Variants in MCCC1 observed in about 807,000 individuals in gnomAD.
MCCC1 encodes methylcrotonyl-CoA carboxylase subunit 1, also known as methylcrotonoyl-CoA carboxylase subunit alpha, mitochondrial.
Under a neutral mutation model 83.8 loss-of-function variants are expected in MCCC1, and 64 were observed. That is an observed-to-expected ratio of 0.76 (90% confidence interval 0.62 to 0.94). The LOEUF (loss-of-function observed/expected upper bound fraction) is 0.94, where lower values mean the gene tolerates loss of function less well. MCCC1 is among the 40% of genes least tolerant of loss of function. The pLI, the probability that MCCC1 is intolerant of heterozygous loss-of-function variation, is 0.00. For synonymous variants in MCCC1, 322 were observed against 315.4 expected (o/e 1.02, Z -0.22); for missense variants, 807 against 904.7 (o/e 0.89, Z 1.39).
At position 183,071,036 on chromosome 3, in the gene MCCC1, C is replaced by T. The variant is rs1358355173; in HGVS notation, c.724G>A (p.Asp242Asn). Residue 242 changes from aspartate (D) to asparagine (N), a missense_variant, in exon 7 of 19, where the codon GAT (aspartate) becomes AAT (asparagine). By Grantham distance (23) the Asp-to-Asn change is conservative. Transcript: ENST00000265594. ...RREAKKSFNDDAMLIEKFVDT... is the reference protein window; with the variant it reads ...RREAKKSFNDNAMLIEKFVDT... ...ACAAACTTCTCGATCAGCATAGCAT[C>T]ATCATTGAAAGACTTCTTAGCTTCT... 3 of 1,614,160 alleles carry T rather than the reference C, an allele frequency of 1.9e-6. No individual in the cohort carries two copies. The South Asian group carries it at 3.3e-5, about 18-fold the overall frequency.
rs143409364 is a variant in MCCC1, at chr3:183,038,914, T to C, written c.1377+112A>G. ...TGTGAAACTATTTTGTTTGGGCAAT[T>C]GATGGAAATAGAAAATATGCTGACG... On this transcript the variant is annotated intron_variant, in intron 12 of 18. Coordinates refer to ENST00000265594, the MANE Select transcript of MCCC1 (RefSeq NM_020166.5). 7.2e-6 allele frequency: 7 copies of C among 970,800 alleles called. No individual in the cohort carries two copies. The East Asian group carries it at 1.7e-4, about 24-fold the overall frequency. 60.1% of individuals were successfully genotyped at this position (970,800 alleles called of 1,614,324 possible).
At chr3:183,088,513 T>A (rs549823675) in intron 3 of MCCC1, among the ~76,000 whole-genome samples, 5 of 152,308 alleles carry the variant, frequency 3.3e-5, no homozygotes, top group East Asian at 3.9e-4. Flanking sequence ...AGCCTGTTTT[T>A]TACTTTTAAC....
chr3:183,046,350 T>TA (rs1293788177), intron 9 of MCCC1, among the ~76,000 whole-genome samples: 1 of 152,178 alleles, frequency 6.6e-6, no homozygotes, highest in Non-Finnish European at 1.5e-5. Context: ...GAATACAATG[T>TA]AAAGTTGTTT....
chr3:183,046,073 T>G lies in MCCC1; in HGVS notation c.956-533A>C, dbSNP rs116378168. Among the ~76,000 whole-genome samples, 1,238 of 152,342 alleles carry G rather than the reference T, an allele frequency of 8.1e-3. 11 individuals are homozygous for G. Among genetic ancestry groups the G allele is most frequent in the African/African-American group, 0.028 (1,184 of 41,578 alleles). On this transcript the variant is annotated intron_variant, in intron 9 of 18. Transcript: ENST00000265594. ...CCCCTAACTTTATTAAGGTTTAATT[T>G]TAGACAACAAACTGTAACTATTTGA...
rs374255867 is a variant in MCCC1 at position 183,071,288 on chromosome 3, T to C, written c.561A>G (p.Ser187=). ...TGGCGTGTTCCTTCAGGCACTGGTC[T>C]GATTGGTCCTCACCATGATAACCCT... ...VVEGYHGEDQ[S]DQCLKEHARR... Residue 187 remains serine (S), a synonymous_variant, in exon 6 of 19, where the codon TCA becomes TCG. Coordinates refer to ENST00000265594, the MANE Select transcript of MCCC1 (RefSeq NM_020166.5). 6.2e-7 allele frequency: 1 copy of C among 1,614,244 alleles called. No individual in the cohort carries two copies. Among genetic ancestry groups the C allele is most frequent in the African/African-American group, 1.3e-5 (1 of 75,074 alleles).
chr3:183,030,288 A>G (rs547762280), intron 14 of MCCC1, among the ~76,000 whole-genome samples: 1 of 152,332 alleles, frequency 6.6e-6, no homozygotes, highest in African/African-American at 2.4e-5. Context: ...TGCCTGGGCA[A>G]CAGAATGAGA....
upstream of MCCC1, among the ~76,000 whole-genome samples, chr3:183,100,930 G>A (rs1230831439): frequency 2.0e-5 from 3 of 152,258 alleles, no homozygotes; most frequent in African/African-American, 4.8e-5. Flanking sequence ...GGCTGTGTGC[G>A]GCACTTGCGG....
chr3:183,067,482 G>T (rs1345596642), intron 7 of MCCC1, among the ~76,000 whole-genome samples: 2 of 152,174 alleles, frequency 1.3e-5, no homozygotes, highest in Non-Finnish European at 2.9e-5. Context: ...GTCTTACCAT[G>T]ATTTGTCTTT....
intron 2 of MCCC1, among the ~76,000 whole-genome samples, chr3:183,093,755 G>A (rs1437374806): frequency 6.6e-6 from 1 of 152,164 alleles, no homozygotes; most frequent in Non-Finnish European, 1.5e-5. Flanking sequence ...GATGACATAT[G>A]TATGAGTGTG....
At position 183,056,456 on chromosome 3, in the gene MCCC1, G is replaced by A. The variant is rs550106110; in HGVS notation, c.873+855C>T. ...AGTCCTAGTAGTAGGCTTTGACCCAGATAATCACCTAAACCAATCAAGAGT... is the reference window on the plus strand; with the variant it reads ...AGTCCTAGTAGTAGGCTTTGACCCAAATAATCACCTAAACCAATCAAGAGT... On this transcript the variant is annotated intron_variant, in intron 8 of 18. Coordinates refer to ENST00000265594, the MANE Select transcript of MCCC1 (RefSeq NM_020166.5). 2.0e-5 allele frequency among the ~76,000 whole-genome samples: 3 copies of A among 152,222 alleles called. No individual in the cohort carries two copies. The South Asian group carries it at 6.2e-4, about 32-fold the overall frequency.
chr3:183,048,356 A>G (rs1005971607), intron 9 of MCCC1, among the ~76,000 whole-genome samples: 54 of 152,232 alleles, frequency 3.5e-4, no homozygotes, highest in African/African-American at 1.3e-3. Context: ...GAGTAGATTA[A>G]AAAACAAAAG....
chr3:183,063,954 C>T (rs1041915369), intron 7 of MCCC1, among the ~76,000 whole-genome samples: 1 of 152,098 alleles, frequency 6.6e-6, no homozygotes, highest in African/African-American at 2.4e-5. Flanking sequence ...AAAGTCTCTC[C>T]TAAGACAGAG....
upstream of MCCC1, among the ~76,000 whole-genome samples, chr3:183,100,321 C>T (rs1289741745): frequency 3.3e-5 from 5 of 152,158 alleles, no homozygotes; most frequent in Non-Finnish European, 7.3e-5. Context: ...TACAATTTAT[C>T]AAAATAGATC....
At position 183,064,276 on chromosome 3, in the gene MCCC1, T is replaced by C. The variant is rs1019234062; in HGVS notation, c.761+6723A>G. 1.0e-3 allele frequency among the ~76,000 whole-genome samples: 3 copies of C among 2,936 alleles called. No homozygotes were observed. Among genetic ancestry groups the C allele is most frequent in the East Asian group, 0.062 (1 of 16 alleles). 1.9% of individuals were successfully genotyped at this position (2,936 alleles called of 152,430 possible). ...TGGGACTGCTAGAAAAGATCCCCCT[T>C]TTTTTTTTAATTCCAAGTGATAACT... On this transcript the variant is annotated intron_variant, in intron 7 of 18. Coordinates refer to ENST00000265594, the MANE Select transcript of MCCC1 (RefSeq NM_020166.5). This position sits in a 1 kb window ranked among gnomAD's most constrained non-coding sequence, Gnocchi z 4.5.
At chr3:183,114,503 T>A (rs1719556813) in intron 1 of MCCC1, among the ~76,000 whole-genome samples, 1 of 152,132 alleles carries the variant, frequency 6.6e-6, no homozygotes, top group Non-Finnish European at 1.5e-5. Context: ...AAGGAAGCCA[T>A]CTGGTGTCCA....
At chr3:183,107,977 A>T (rs1415522301) in intron 1 of MCCC1, among the ~76,000 whole-genome samples, 1 of 152,204 alleles carries the variant, frequency 6.6e-6, no homozygotes, top group African/African-American at 2.4e-5. Context: ...TTAAATTCTC[A>T]AAAAGATTAT....
chr3:183,047,767 C>T (rs1417078368), intron 9 of MCCC1, among the ~76,000 whole-genome samples: 1 of 150,726 alleles, frequency 6.6e-6, no homozygotes, highest in Non-Finnish European at 1.5e-5. Context: ...GAGGATATGA[C>T]AACAGAAACT....
At position 183,025,774 on chromosome 3, in the gene MCCC1, T is replaced by A. The variant is rs373270326; in HGVS notation, c.1712A>T (p.Asp571Val). Residue 571 changes from aspartate (D) to valine (V), a missense_variant, in exon 15 of 19, where the codon GAT becomes GTT. By Grantham distance (152) the Asp-to-Val change is radical. Transcript: ENST00000265594. ...GCTTACCTGCATGCTATAAGACCCA[T>A]CATGGTTATACGTTACAGCTATGGC... ...NVAIAVTYNH[D>V]GSYSMQIEDK... The A allele has an allele frequency of 3.7e-5, 60 of 1,613,842 alleles. No individual in the cohort carries two copies. Among genetic ancestry groups the A allele is most frequent in the Non-Finnish European group, 4.8e-5 (57 of 1,179,890 alleles).
chr3:183,099,378 A>G lies in MCCC1; in HGVS notation c.63T>C (p.Arg21=), dbSNP rs763179706. ...TCGGCGGCAGGAGCAGGCTCGGGAG[A>G]CGATGCCACCGGTTCCTCTCCGCCG... ...LVAAERNRWH[R]LPSLLLPPRT... Residue 21 remains arginine, a synonymous_variant, in exon 1 of 19, where the codon CGT becomes CGC. Coordinates refer to ENST00000265594, the MANE Select transcript of MCCC1 (RefSeq NM_020166.5). The G allele has an allele frequency of 1.2e-6, 2 of 1,602,632 alleles. No homozygotes were observed. Among genetic ancestry groups the G allele is most frequent in the South Asian group, 2.2e-5 (2 of 89,704 alleles).
Sources: gnomAD v4.1 joint callset for allele counts (sites outside exome capture counted in the v4.1 genomes callset) on GRCh38, gnomAD v4.1.1 for gene constraint, Gnocchi (gnomAD v3.1) non-coding constraint, MANE v1.5 for transcripts, NCBI Gene and HGNC (gene_info 2026-07-23, HGNC 2026-07-21) for gene names.